Variants in CDH18 observed in about 807,000 individuals in gnomAD.
The protein encoded by CDH18 is cadherin 18, also known as cadherin-18.
Under a neutral mutation model 67.9 loss-of-function variants are expected in CDH18, and 31 were observed. The ratio of observed to expected loss-of-function variants is 0.46; its 90% CI spans 0.34 to 0.62. The LOEUF is 0.62. Ranked by LOEUF, CDH18 falls within the 20% of genes least tolerant of loss-of-function variation. The probability of loss-of-function intolerance (pLI) is 0.01; values close to 1 mark genes in which losing one functional copy is unlikely to be tolerated. For missense variants in CDH18, 890 were observed against 975.5 expected (o/e 0.91, Z 1.17); for synonymous variants, 362 against 347.2 (o/e 1.04, Z -0.48).
chr5:19,551,578 T>G (rs1459051090), intron 8 of CDH18, among the ~76,000 whole-genome samples: 1 of 152,126 alleles, frequency 6.6e-6, no homozygotes, highest in Non-Finnish European at 1.5e-5. Context: ...TGAAAATCAC[T>G]TATGCTTGAG....
At chr5:20,345,258 T>G (rs1740606589) in intron 1 of CDH18, among the ~76,000 whole-genome samples, 1 of 104,836 alleles carries the variant, frequency 9.5e-6, no homozygotes, top group East Asian at 3.7e-4. Context: ...ATTTGTATAT[T>G]GGGGTATATT....
At chr5:20,173,057 C>T (rs1736964534) in intron 2 of CDH18, among the ~76,000 whole-genome samples, 1 of 151,212 alleles carries the variant, frequency 6.6e-6, no homozygotes, top group Admixed American at 6.6e-5. Flanking sequence ...TAAACACAAA[C>T]AACTAGAATA....
intron 7 of CDH18, among the ~76,000 whole-genome samples, chr5:19,585,264 C>T (rs16885722): frequency 0.052 from 7,933 of 152,038 alleles, 673 homozygotes; most frequent in African/African-American, 0.18. Context: ...ATATGTGCAC[C>T]GTCCTTAATT....
intron 1 of CDH18, among the ~76,000 whole-genome samples, chr5:20,295,433 C>T (rs561603318): frequency 2.0e-5 from 3 of 152,012 alleles, no homozygotes; most frequent in Non-Finnish European, 4.4e-5. Context: ...ATCAATTGCA[C>T]AGGAATTCTA....
intron 1 of CDH18, among the ~76,000 whole-genome samples, chr5:20,493,981 C>A (rs529775965): frequency 2.0e-5 from 3 of 150,104 alleles, no homozygotes; most frequent in African/African-American, 7.3e-5. Context: ...CAGTGGCTCA[C>A]GCCTGTAATC....
At chr5:19,708,727 C>G (rs548324935) in intron 5 of CDH18, among the ~76,000 whole-genome samples, 61 of 152,298 alleles carry the variant, frequency 4.0e-4, no homozygotes, top group Non-Finnish European at 1.8e-4. Flanking sequence ...GAGCCCATCC[C>G]TTTGTTTCCC....
chr5:19,817,575 A>G (rs1192518069), intron 3 of CDH18, among the ~76,000 whole-genome samples: 6 of 152,062 alleles, frequency 3.9e-5, no homozygotes, highest in African/African-American at 1.4e-4. Flanking sequence ...AATAAGACAG[A>G]ATTTGTTTAA....
chr5:20,096,169 ACAC>A (rs1416118075), intron 2 of CDH18, among the ~76,000 whole-genome samples: 41 of 152,146 alleles, frequency 2.7e-4, no homozygotes, highest in African/African-American at 9.2e-4. Flanking sequence ...GTTGAAAACC[ACAC>A]CTTAGTCCAT....
intron 2 of CDH18, among the ~76,000 whole-genome samples, chr5:19,893,803 C>T (rs1014299375): frequency 4.6e-5 from 7 of 152,090 alleles, no homozygotes; most frequent in Non-Finnish European, 8.8e-5. Context: ...GCTATTGTTG[C>T]TAAAATGTGG....
intron 2 of CDH18, among the ~76,000 whole-genome samples, chr5:20,115,680 T>C (rs939143604): frequency 4.6e-5 from 7 of 152,042 alleles, no homozygotes; most frequent in African/African-American, 1.5e-4. Context: ...TGAGGAGTAT[T>C]AGAATCAGAG....
intron 1 of CDH18, among the ~76,000 whole-genome samples, chr5:20,472,041 G>A (rs145365179): frequency 0.043 from 361 of 8,432 alleles, 4 homozygotes; most frequent in Admixed American, 0.2. Flanking sequence ...TGTGAATATC[G>A]TATGAACAAA....
rs189131280 is a variant in CDH18 at position 20,445,706 on chromosome 5, G to T, written c.-580+129756C>A. On this transcript the variant is annotated intron_variant, in intron 1 of 14. Transcript: ENST00000507958. Reference sequence around the variant, plus strand: ...GGCTTAGCAGGATTCTTTGATAGAAGCAGACTCAACTTGTTACTGAGAATT... The same window carrying T: ...GGCTTAGCAGGATTCTTTGATAGAATCAGACTCAACTTGTTACTGAGAATT... Among the ~76,000 whole-genome samples, 281 of 152,286 alleles carry T rather than the reference G, an allele frequency of 1.8e-3. 1 individual carries two copies. Among genetic ancestry groups the T allele is most frequent in the Admixed American group, 5.4e-3 (82 of 15,294 alleles).
intron 2 of CDH18, among the ~76,000 whole-genome samples, chr5:20,250,378 C>T (rs973753669): frequency 2.6e-5 from 4 of 151,360 alleles, no homozygotes; most frequent in South Asian, 2.1e-4. Context: ...CGGCAACCTC[C>T]GCCTCCCGGA....
chr5:19,767,073 C>T (rs1236535172), intron 3 of CDH18, among the ~76,000 whole-genome samples: 1 of 151,290 alleles, frequency 6.6e-6, no homozygotes, highest in Non-Finnish European at 1.5e-5. Context: ...TAAGGCATAT[C>T]AAATAAGTAA....
In CDH18 at chr5:20,424,745, TAAAAAAAAAAAAAAAAA is replaced by T. The variant is rs67349001; in HGVS notation, c.-580+150700_-580+150716del. Among the ~76,000 whole-genome samples, 8 of 42,930 alleles carry T rather than the reference TAAAAAAAAAAAAAAAAA, an allele frequency of 1.9e-4. No individual in the cohort carries two copies. The South Asian group carries it at 9.1e-3, about 49-fold the overall frequency. The allele number at this position is 42,930 out of a possible 152,430, so 28.2% of individuals were successfully genotyped here. A position where few individuals can be genotyped will look rare whatever the true frequency, so the allele number is the denominator to read the frequency against. On this transcript the variant is annotated intron_variant, in intron 1 of 14. Transcript: ENST00000507958. ...CTGGGTAATAGAGCAAGACTCTGTC[TAAAAAAAAAAAAAAAAA>T]AAAAAAAAAAGGAAGTGAACCAAGA...
chr5:20,027,637 C>T (rs944181801), intron 2 of CDH18, among the ~76,000 whole-genome samples: 27 of 152,316 alleles, frequency 1.8e-4, no homozygotes, highest in African/African-American at 6.3e-4. Context: ...AGTGTTTTCT[C>T]TGGTAATGAG....
chr5:19,518,102 A>G (rs1389901758), intron 10 of CDH18, among the ~76,000 whole-genome samples: 1 of 151,962 alleles, frequency 6.6e-6, no homozygotes. Flanking sequence ...ATTTAATAAT[A>G]TATTTATACT....
chr5:20,458,019 T>C (rs909148011), intron 1 of CDH18, among the ~76,000 whole-genome samples: 4 of 152,190 alleles, frequency 2.6e-5, no homozygotes, highest in African/African-American at 9.6e-5. Context: ...AAAGAGGACA[T>C]GTGGAAAAGA....
At chr5:19,751,943 T>G (rs1231094224) in intron 3 of CDH18, among the ~76,000 whole-genome samples, 1 of 152,122 alleles carries the variant, frequency 6.6e-6, no homozygotes, top group East Asian at 1.9e-4. Flanking sequence ...CTGAGAGTAC[T>G]CGCAGACCCT....
Sources: allele counts gnomAD v4.1 joint callset (sites outside exome capture counted in the v4.1 genomes callset), GRCh38; gene constraint gnomAD v4.1.1; transcripts MANE v1.5; gene names NCBI Gene and HGNC (gene_info 2026-07-23, HGNC 2026-07-21).